The following MGAT4C variants were observed in gnomAD, a reference collection of about 807,000 sequenced individuals.
MGAT4C encodes MGAT4 family member C.
MGAT4C carries 19 observed loss-of-function variants against 40.1 expected under a neutral mutation model. The observed-to-expected ratio is 0.47, with a 90% CI of 0.33 to 0.70. The LOEUF is 0.70. MGAT4C is among the 30% of genes least tolerant of loss of function. The pLI is 0.02. For missense variants in MGAT4C, 491 were observed against 563.2 expected, an observed-to-expected ratio of 0.87 and a Z score of 1.30; for synonymous variants, 181 against 187.1, an observed-to-expected ratio of 0.97 and a Z score of 0.27.
chr12:86,756,756 G>A (rs1951311352), intron 1 of MGAT4C, among the ~76,000 whole-genome samples: 4 of 152,088 alleles, frequency 2.6e-5, no homozygotes, highest in Admixed American at 2.6e-4. Flanking sequence ...ATAAAATGAT[G>A]ATATAGCTGT....
At chr12:86,540,089 C>T (rs1446839277) in intron 2 of MGAT4C, among the ~76,000 whole-genome samples, 2 of 152,160 alleles carry the variant, frequency 1.3e-5, no homozygotes, top group African/African-American at 4.8e-5. Flanking sequence ...GTCATGAAGT[C>T]CTTGCCCATG....
intron 1 of MGAT4C, among the ~76,000 whole-genome samples, chr12:86,220,438 G>T (rs769879718): frequency 6.6e-6 from 1 of 152,202 alleles, no homozygotes; most frequent in South Asian, 2.1e-4. Flanking sequence ...GAGTTTTACA[G>T]TTAAATTATT....
At chr12:86,780,842 T>C (rs1338227904) in intron 1 of MGAT4C, among the ~76,000 whole-genome samples, 1 of 152,192 alleles carries the variant, frequency 6.6e-6, no homozygotes, top group Non-Finnish European at 1.5e-5. Context: ...CCAATGTCTG[T>C]TATTCCACAC....
upstream of MGAT4C, among the ~76,000 whole-genome samples, chr12:86,258,570 T>C (rs912598790): frequency 5.3e-5 from 8 of 150,220 alleles, no homozygotes; most frequent in Admixed American, 2.7e-4. Flanking sequence ...TATCAACGTA[T>C]AGGCATTTTG....
At chr12:86,707,528 C>CTTTTT (rs755566527) in intron 2 of MGAT4C, among the ~76,000 whole-genome samples, 4 of 132,828 alleles carry the variant, frequency 3.0e-5, no homozygotes, top group Non-Finnish European at 4.9e-5. Flanking sequence ...TTTTTCTTTT[C>CTTTTT]TTTTTTTTTT....
intron 2 of MGAT4C, among the ~76,000 whole-genome samples, chr12:86,484,344 C>A (rs1322878916): frequency 1.3e-5 from 2 of 152,190 alleles, no homozygotes; most frequent in Non-Finnish European, 2.9e-5. Context: ...AACTTTCCTG[C>A]AGGACTGGGT....
intron 1 of MGAT4C, among the ~76,000 whole-genome samples, chr12:86,240,034 AAAAATAAAAAATAAAAT>A (rs1402459433): frequency 2.9e-5 from 1 of 34,580 alleles, no homozygotes; most frequent in African/African-American, 5.0e-5. Flanking sequence ...AATAAAAAAA[AAAAATAAAAAATAAAAT>A]AAAATAAAAT....
Position 86,522,049 on chromosome 12 carries a change from C to A in MGAT4C, c.-228-86784G>T, listed in dbSNP as rs374151862. On this transcript the variant is annotated intron_variant, in intron 2 of 7. Coordinates refer to the MGAT4C transcript ENST00000548651. ...GACAAAGCATCATGTCATCTGCAAA[C>A]CGGGATAGTTTCACTTCCTCTTTTC... 5.9e-5 allele frequency among the ~76,000 whole-genome samples: 9 copies of A among 152,120 alleles called. 1 individual carries two copies. In the East Asian group the frequency reaches 7.7e-4, roughly 13 times the overall value.
At chr12:86,284,358 T>C (rs776827833) in intron 4 of MGAT4C, among the ~76,000 whole-genome samples, 33 of 151,956 alleles carry the variant, frequency 2.2e-4, no homozygotes, top group Non-Finnish European at 3.8e-4. Context: ...AACAATGTGG[T>C]CCTCGCAAAG....
At chr12:86,836,478 A>G (rs1449275454) in intron 1 of MGAT4C, among the ~76,000 whole-genome samples, 1 of 152,058 alleles carries the variant, frequency 6.6e-6, no homozygotes, top group Non-Finnish European at 1.5e-5. Flanking sequence ...TTATTTAACG[A>G]CAACTAATAA....
At chr12:86,601,042 C>A (rs927797106) in intron 2 of MGAT4C, among the ~76,000 whole-genome samples, 9 of 152,230 alleles carry the variant, frequency 5.9e-5, no homozygotes, top group African/African-American at 1.9e-4. Context: ...CTGTCTCGGC[C>A]CCCTCCAGAA....
intron 2 of MGAT4C, among the ~76,000 whole-genome samples, chr12:86,049,269 A>G (rs978790831): frequency 2.0e-5 from 3 of 151,918 alleles, no homozygotes; most frequent in Non-Finnish European, 4.4e-5. Flanking sequence ...GGAGAAAGTT[A>G]CCAATATTAA....
intron 3 of MGAT4C, among the ~76,000 whole-genome samples, chr12:86,408,871 T>C (rs1443630758): frequency 6.6e-6 from 1 of 152,106 alleles, no homozygotes; most frequent in African/African-American, 2.4e-5. Flanking sequence ...CTAAATAGTA[T>C]ATAACCTATT....
At chr12:86,214,201 G>C (rs1259187093) in intron 1 of MGAT4C, among the ~76,000 whole-genome samples, 1 of 152,060 alleles carries the variant, frequency 6.6e-6, no homozygotes, top group East Asian at 1.9e-4. Flanking sequence ...TCATTTCTGT[G>C]TCTTTGTACG....
At chr12:86,287,420 T>C (rs1484721135) in intron 4 of MGAT4C, among the ~76,000 whole-genome samples, 4 of 152,008 alleles carry the variant, frequency 2.6e-5, no homozygotes, top group African/African-American at 9.6e-5. Flanking sequence ...GTTTGTTACA[T>C]AGGTATAAAC....
rs138319883 is a variant in MGAT4C, at chr12:86,714,774, A to AAAGGAAGGAAGAAAGG, written c.-229+12434_-229+12435insCCTTTCTTCCTTCCTT. On this transcript the variant is annotated intron_variant, in intron 2 of 7. Transcript: ENST00000548651. ...GAGTGAGGAAAGAGGTGGAAGGGAAAAAGGAAGGAAGGAAGGAAGGAAGGA... is the reference window on the plus strand; with the variant it reads ...GAGTGAGGAAAGAGGTGGAAGGGAAAAAGGAAGGAAGAAAGGAAGGAAGGAAGGAAGGAAGGAAGGA... 9.2e-5 allele frequency among the ~76,000 whole-genome samples: 13 copies of AAAGGAAGGAAGAAAGG among 141,504 alleles called. 1 individual carries two copies. Among genetic ancestry groups the AAAGGAAGGAAGAAAGG allele is most frequent in the African/African-American group, 3.2e-4 (12 of 37,846 alleles). 92.8% of individuals were successfully genotyped at this position (141,504 alleles called of 152,430 possible).
At chr12:86,020,738 G>C (rs1211046105) in intron 2 of MGAT4C, among the ~76,000 whole-genome samples, 1 of 152,160 alleles carries the variant, frequency 6.6e-6, no homozygotes, top group African/African-American at 2.4e-5. Flanking sequence ...TGACAAATGG[G>C]ATCTAATTAA....
chr12:86,838,700 T>C (rs1953090563), exon 1 of MGAT4C: 1 of 152,118 alleles, frequency 6.6e-6, no homozygotes, highest in South Asian at 2.1e-4. Context: ...CAATAATCCA[T>C]TAGAAAACTG....
In MGAT4C at chr12:86,550,246, T is replaced by A. The variant is rs143359569; in HGVS notation, c.-228-114981A>T. Among the ~76,000 whole-genome samples, 3 of 152,340 alleles carry A rather than the reference T, an allele frequency of 2.0e-5. No individual in the cohort carries two copies. The East Asian group carries it at 5.8e-4, about 29-fold the overall frequency. ...GAGTCAATTAAACCTCTTTCCTTTATAAACTACCCTGTCTCAGGTATTCTT... is the reference window on the plus strand; with the variant it reads ...GAGTCAATTAAACCTCTTTCCTTTAAAAACTACCCTGTCTCAGGTATTCTT... On this transcript the variant is annotated intron_variant, in intron 2 of 7. Transcript: ENST00000548651.
Sources: allele counts gnomAD v4.1 joint callset (sites outside exome capture counted in the v4.1 genomes callset), GRCh38; gene constraint gnomAD v4.1.1; transcripts MANE v1.5; gene names NCBI Gene and HGNC (gene_info 2026-07-23, HGNC 2026-07-21).